Variants in AOAH observed in about 807,000 individuals in gnomAD.
The protein encoded by AOAH is acyloxyacyl hydrolase.
AOAH carries 64 observed loss-of-function variants against 92.2 expected under a neutral mutation model. That is an observed-to-expected ratio of 0.69 (90% CI 0.57 to 0.86). AOAH has a LOEUF of 0.86. Ranked by LOEUF, AOAH falls within the 40% of genes least tolerant of loss-of-function variation. The pLI, the probability that AOAH is intolerant of heterozygous loss-of-function variation, is 0.00. For synonymous variants in AOAH, 263 were observed against 254.5 expected, an observed-to-expected ratio of 1.03 and a Z score of -0.32; for missense variants, 656 against 694.6, an observed-to-expected ratio of 0.94 and a Z score of 0.62.
At chr7:36,584,221 A>G (rs1032055400) in intron 12 of AOAH, among the ~76,000 whole-genome samples, 4 of 152,238 alleles carry the variant, frequency 2.6e-5, no homozygotes, top group African/African-American at 9.6e-5. Flanking sequence ...AACTTATTTG[A>G]CTTAACACGT....
At chr7:36,527,515 A>T (rs1325610556) in intron 19 of AOAH, among the ~76,000 whole-genome samples, 1 of 151,546 alleles carries the variant, frequency 6.6e-6, no homozygotes, top group Non-Finnish European at 1.5e-5. Flanking sequence ...AGTACTTCAC[A>T]GGCGTGAATG....
intron 1 of AOAH, among the ~76,000 whole-genome samples, chr7:36,703,863 T>G (rs1385669393): frequency 2.6e-5 from 4 of 152,218 alleles, no homozygotes; most frequent in Admixed American, 2.6e-4. Context: ...TTTATAGTTT[T>G]AGATCCTTGA....
intron 6 of AOAH, 87 bp downstream of exon 6, chr7:36,631,949 G>A (rs1378477505): frequency 9.9e-7 from 1 of 1,013,668 alleles, no homozygotes; most frequent in Non-Finnish European, 1.5e-6. Context: ...TTTTAAGTGT[G>A]AAGATCATTT....
intron 12 of AOAH, among the ~76,000 whole-genome samples, chr7:36,594,029 T>C (rs1285278952): frequency 1.3e-5 from 2 of 151,348 alleles, no homozygotes. Context: ...AATTTATTTC[T>C]GAGAACAAAT....
At chr7:36,545,165 C>T (rs1023627736) in intron 15 of AOAH, among the ~76,000 whole-genome samples, 4 of 152,118 alleles carry the variant, frequency 2.6e-5, no homozygotes, top group African/African-American at 9.7e-5. Context: ...TATCCTCCCA[C>T]TTTAGCCTCC....
At chr7:36,613,698 T>C (rs1448933443) in intron 11 of AOAH, among the ~76,000 whole-genome samples, 1 of 152,236 alleles carries the variant, frequency 6.6e-6, no homozygotes, top group Admixed American at 6.5e-5. Context: ...GTATTGCCAC[T>C]GTATTTTTAG....
chr7:36,570,997 T>C (rs565266126), intron 13 of AOAH, among the ~76,000 whole-genome samples: 4 of 152,058 alleles, frequency 2.6e-5, no homozygotes, highest in African/African-American at 9.6e-5. Flanking sequence ...TAACGAACCA[T>C]ACACCAAGGA....
At chr7:36,515,276 C>CA in intron 20 of AOAH, among the ~76,000 whole-genome samples, 2 of 134,778 alleles carry the variant, frequency 1.5e-5, no homozygotes, top group African/African-American at 2.8e-5. Context: ...ACACACACCC[C>CA]CACACTACAC....
At chr7:36,700,049 G>A (rs933758588) in intron 1 of AOAH, among the ~76,000 whole-genome samples, 5 of 152,000 alleles carry the variant, frequency 3.3e-5, no homozygotes, top group African/African-American at 1.2e-4. Flanking sequence ...ATATTGAAGA[G>A]ACTGTTCTTT....
intron 2 of AOAH, among the ~76,000 whole-genome samples, chr7:36,682,359 C>T (rs1420164563): frequency 2.6e-5 from 4 of 152,160 alleles, no homozygotes; most frequent in Non-Finnish European, 5.9e-5. Flanking sequence ...TTTAGAAAAA[C>T]TACCCCGAAC....
chr7:36,588,688 G>T (rs776156404), intron 12 of AOAH, among the ~76,000 whole-genome samples: 2 of 152,146 alleles, frequency 1.3e-5, no homozygotes, highest in Non-Finnish European at 2.9e-5. Context: ...GTTATACACT[G>T]ATTTTCAAAA....
At chr7:36,593,861 GA>G (rs556253392) in intron 12 of AOAH, among the ~76,000 whole-genome samples, 1 of 152,174 alleles carries the variant, frequency 6.6e-6, no homozygotes, top group South Asian at 2.1e-4. Flanking sequence ...CTGGGAAGCA[GA>G]CCCCAGGCCT....
chr7:36,586,876 A>C (rs546164640), intron 12 of AOAH, among the ~76,000 whole-genome samples: 3 of 152,292 alleles, frequency 2.0e-5, no homozygotes, highest in African/African-American at 7.2e-5. Context: ...ATTGTTTTAC[A>C]TTTTTGCAAA....
rs560696488 is a variant in AOAH, at chr7:36,614,350, T to C, written c.846+2030A>G. 3.9e-5 allele frequency among the ~76,000 whole-genome samples: 6 copies of C among 152,286 alleles called. No homozygotes were observed. The highest frequency in any genetic ancestry group is 1.4e-4 in the African/African-American group (6 of 41,562). ...CAGGGCTTTATGTGTGTGCAACCAG[T>C]GGGTCCCATGAGGTCCTTCGCTTAG... On this transcript the variant is annotated intron_variant, in intron 11 of 20. Coordinates refer to ENST00000617537, the MANE Select transcript of AOAH (RefSeq NM_001637.4). This position sits in a 1 kb window ranked among gnomAD's most constrained non-coding sequence, Gnocchi z 4.2.
rs573942077 is a variant in AOAH, at chr7:36,648,352, T to C, written c.391-10442A>G. ...TTAAATTATAAGAAAGGATGAGCATTTTCTCCTAAATTTTCAGTCCTTTGA... is the reference window on the plus strand; with the variant it reads ...TTAAATTATAAGAAAGGATGAGCATCTTCTCCTAAATTTTCAGTCCTTTGA... On this transcript the variant is annotated intron_variant, in intron 4 of 20. Transcript: ENST00000617537. Among the ~76,000 whole-genome samples the C allele has an allele frequency of 2.6e-4, 40 of 152,364 alleles. No individual in the cohort carries two copies. The South Asian group carries it at 7.2e-3, about 28-fold the overall frequency.
At chr7:36,556,888 G>GA (rs1234973307) in intron 13 of AOAH, among the ~76,000 whole-genome samples, 1 of 150,878 alleles carries the variant, frequency 6.6e-6, no homozygotes, top group Non-Finnish European at 1.5e-5. Context: ...CTCTGCACGT[G>GA]AGATGGGTTT....
chr7:36,583,357 T>C lies in AOAH; in HGVS notation c.939-6701A>G, dbSNP rs540988163. Reference sequence around the variant, plus strand: ...AAAATTTAAGAAAAGGGTGGATAACTTTCTTTCTAATGTGGATGGAGGTCA... The same window carrying C: ...AAAATTTAAGAAAAGGGTGGATAACCTTCTTTCTAATGTGGATGGAGGTCA... On this transcript the variant is annotated intron_variant, in intron 12 of 20. Transcript: ENST00000617537. Among the ~76,000 whole-genome samples, 4 of 152,312 alleles carry C rather than the reference T, an allele frequency of 2.6e-5. No homozygotes were observed. The East Asian group carries it at 7.7e-4, about 29-fold the overall frequency.
intron 4 of AOAH, among the ~76,000 whole-genome samples, chr7:36,652,818 G>A (rs1794663754): frequency 6.6e-6 from 1 of 152,216 alleles, no homozygotes; most frequent in South Asian, 2.1e-4. Flanking sequence ...AAGGAAAGAT[G>A]AAGACTCTGT....
chr7:36,610,888 A>G (rs1791406394), intron 11 of AOAH, among the ~76,000 whole-genome samples: 1 of 152,178 alleles, frequency 6.6e-6, no homozygotes, highest in Non-Finnish European at 1.5e-5. Flanking sequence ...GACACATGGC[A>G]CACACCTGGG....
Sources: gnomAD v4.1 joint callset for allele counts (sites outside exome capture counted in the v4.1 genomes callset) on GRCh38, gnomAD v4.1.1 for gene constraint, Gnocchi (gnomAD v3.1) non-coding constraint, MANE v1.5 for transcripts, NCBI Gene and HGNC (gene_info 2026-07-23, HGNC 2026-07-21) for gene names.